WDR7: variants seen among roughly 807,000 people sequenced by gnomAD.
WDR7 encodes the protein WD repeat-containing protein 7.
WDR7 carries 46 observed loss-of-function variants against 169.4 expected under a neutral mutation model. The observed-to-expected ratio is 0.27, with a 90% CI of 0.21 to 0.35. The LOEUF is 0.35. Ranked by LOEUF, WDR7 falls within the 10% of genes least tolerant of loss-of-function variation. The pLI is 1.00. For synonymous variants in WDR7, 612 were observed against 666.8 expected (o/e 0.92, Z 1.27); for missense variants, 1,534 against 1,859.3 (o/e 0.83, Z 3.22).
chr18:56,747,041 C>T (rs182489385), intron 14 of WDR7, among the ~76,000 whole-genome samples: 74 of 152,304 alleles, frequency 4.9e-4, no homozygotes, highest in African/African-American at 1.6e-3. Flanking sequence ...GTGCTCAGCA[C>T]AGTGTTCATT....
downstream of WDR7, chr18:57,030,017 T>C (rs2048425859): frequency 1.3e-5 from 2 of 152,176 alleles, no homozygotes; most frequent in Admixed American, 6.5e-5. Flanking sequence ...GGAAAGGCGT[T>C]GCATGCCTGT....
chr18:56,654,774 T>C (rs1057338608), intron 1 of WDR7, among the ~76,000 whole-genome samples: 4 of 152,214 alleles, frequency 2.6e-5, no homozygotes, highest in African/African-American at 7.2e-5. Flanking sequence ...CTCTGCTATG[T>C]TATGTACTGC....
At chr18:56,913,885 C>T (rs1438622595) in intron 21 of WDR7, among the ~76,000 whole-genome samples, 1 of 152,144 alleles carries the variant, frequency 6.6e-6, no homozygotes, top group South Asian at 2.1e-4. Context: ...TTGCCTGAGC[C>T]GTTGGGAGCC....
intron 26 of WDR7, among the ~76,000 whole-genome samples, chr18:57,011,756 G>A (rs987058468): frequency 1.3e-5 from 2 of 152,178 alleles, no homozygotes; most frequent in East Asian, 1.9e-4. Context: ...TCTTATGTGC[G>A]TAGACTATAG....
chr18:56,952,939 G>A (rs891923991), intron 25 of WDR7, among the ~76,000 whole-genome samples: 19 of 152,168 alleles, frequency 1.2e-4, no homozygotes, highest in African/African-American at 4.1e-4. Flanking sequence ...GAGGTCGGGG[G>A]AGAAAGGATT....
chr18:56,846,857 A>C (rs925283012), intron 20 of WDR7, among the ~76,000 whole-genome samples: 4 of 152,222 alleles, frequency 2.6e-5, no homozygotes, highest in Admixed American at 2.6e-4. Context: ...CATGAGCCAA[A>C]TTAAGCTTCT....
chr18:56,766,712 C>T (rs1359937978), intron 16 of WDR7, among the ~76,000 whole-genome samples: 6 of 152,080 alleles, frequency 3.9e-5, no homozygotes, highest in East Asian at 1.9e-4. Flanking sequence ...CACTTTTAAT[C>T]TCAGACATTG....
intron 1 of WDR7, among the ~76,000 whole-genome samples, chr18:56,661,131 C>T (rs1010158644): frequency 3.3e-5 from 5 of 152,082 alleles, no homozygotes; most frequent in South Asian, 2.1e-4. Flanking sequence ...TTATATACAA[C>T]GAGAAAGTTC....
At chr18:56,822,908 C>A (rs946258961) in intron 20 of WDR7, among the ~76,000 whole-genome samples, 88 of 151,814 alleles carry the variant, frequency 5.8e-4, no homozygotes, top group African/African-American at 2.1e-3. Context: ...AAATAATTTA[C>A]CTTTTTGTCC....
intron 20 of WDR7, among the ~76,000 whole-genome samples, chr18:56,818,750 A>C (rs992665289): frequency 1.3e-5 from 2 of 152,174 alleles, no homozygotes; most frequent in African/African-American, 2.4e-5. Flanking sequence ...CATTGAGAGA[A>C]ATCTGATTCA....
intron 12 of WDR7, among the ~76,000 whole-genome samples, chr18:56,697,661 T>C (rs2025733038): frequency 6.6e-6 from 1 of 152,188 alleles, no homozygotes; most frequent in Non-Finnish European, 1.5e-5. Context: ...CTAAACTTCA[T>C]TTTATAGTAG....
intron 21 of WDR7, 68 bp downstream of exon 21, chr18:56,880,233 A>G (rs2046086286): frequency 4.1e-6 from 6 of 1,449,540 alleles, no homozygotes; most frequent in East Asian, 4.9e-5. Context: ...GCAAAATCTC[A>G]TAACATTGAC....
intron 1 of WDR7, among the ~76,000 whole-genome samples, chr18:56,669,936 G>C (rs2144508663): frequency 1.3e-5 from 2 of 152,204 alleles, no homozygotes; most frequent in Admixed American, 1.3e-4. Flanking sequence ...AATGCTGATG[G>C]CTGAAAAACT....
Position 56,962,436 on chromosome 18 carries a change from C to T in WDR7, c.4071C>T (p.Tyr1357=), listed in dbSNP as rs2047350701. ...QECFPAICRF[Y]MVSYYERNHR... ...GTTAAAATGTTCAACTCAGGTTCTA[C>T]ATGGTCAGCTATTATGAGCGGAATC... Residue 1357 remains tyrosine, a synonymous_variant, in exon 26 of 28, where the codon TAC becomes TAT. Coordinates refer to ENST00000254442, the MANE Select transcript of WDR7 (RefSeq NM_015285.3). 3 of 1,612,830 alleles carry T rather than the reference C, an allele frequency of 1.9e-6. No homozygotes were observed. Among genetic ancestry groups the T allele is most frequent in the Middle Eastern group, 1.7e-4 (1 of 6,056 alleles).
At chr18:56,730,265 G>T (rs1261373395) in intron 13 of WDR7, among the ~76,000 whole-genome samples, 1 of 152,124 alleles carries the variant, frequency 6.6e-6, no homozygotes, top group East Asian at 1.9e-4. Flanking sequence ...TATGTTCTCT[G>T]GTGTTCGTGT....
intron 16 of WDR7, among the ~76,000 whole-genome samples, chr18:56,764,047 T>G (rs2044023669): frequency 1.3e-5 from 2 of 150,854 alleles, no homozygotes; most frequent in Admixed American, 1.3e-4. Context: ...TTTCACTGGT[T>G]TTTGATTTGA....
intron 25 of WDR7, among the ~76,000 whole-genome samples, chr18:56,955,785 C>A (rs2047242662): frequency 1.3e-5 from 2 of 152,130 alleles, no homozygotes; most frequent in South Asian, 4.1e-4. Flanking sequence ...TTCAACCACA[C>A]AATACTTTAA....
At chr18:56,980,742 A>G (rs1209416583) in intron 26 of WDR7, among the ~76,000 whole-genome samples, 2 of 152,190 alleles carry the variant, frequency 1.3e-5, no homozygotes, top group Non-Finnish European at 2.9e-5. Flanking sequence ...CATCAAGTGG[A>G]TGGGAGAGAA....
chr18:56,933,610 C>A (rs28716859), intron 22 of WDR7, among the ~76,000 whole-genome samples: 17,993 of 152,218 alleles, frequency 0.12, 3,463 homozygotes, highest in African/African-American at 0.4. Flanking sequence ...AACCATTCAT[C>A]CAAAGCCACT....
Sources: gnomAD v4.1 joint callset for allele counts (sites outside exome capture counted in the v4.1 genomes callset) on GRCh38, gnomAD v4.1.1 for gene constraint, MANE v1.5 for transcripts, NCBI Gene and HGNC (gene_info 2026-07-23, HGNC 2026-07-21) for gene names.